Variants in DNMT3A observed in about 807,000 individuals in gnomAD.
The protein encoded by DNMT3A is DNA (cytosine-5)-methyltransferase 3A.
DNMT3A carries 267 observed loss-of-function variants against 117.6 expected under a neutral mutation model. That is an observed-to-expected ratio of 2.27 (90% CI 2.05 to 2.51). The LOEUF (loss-of-function observed/expected upper bound fraction) is 2.51, where lower values mean the gene tolerates loss of function less well. DNMT3A is among the 30% of genes most tolerant of loss of function. The pLI is 0.00. For synonymous variants in DNMT3A, 432 were observed against 474.8 expected, an observed-to-expected ratio of 0.91 and a Z score of 1.17; for missense variants, 1,029 against 1,260.2, an observed-to-expected ratio of 0.82 and a Z score of 2.78.
rs1674890101 is a variant in DNMT3A, at chr2:25,247,052, T to C, written c.1121A>G (p.Gln374Arg). ...CGAGCTCCCAGCAGGGACACTCACC[T>C]GCAGGACCTCGTAGATGGCTTTGCG... ...MYRKAIYEVL[Q>R]VASSRAGKLF... is the part of the protein sequence containing the mutation. The change falls in exon 9 of 23, where the codon CAG becomes CGG. Residue 374 changes from glutamine (Q) to arginine (R), a missense_variant and splice_region_variant. Coordinates refer to ENST00000321117, the MANE Select transcript of DNMT3A (RefSeq NM_022552.5). The surrounding 1 kb of genome is among the most constrained non-coding windows in gnomAD (Gnocchi z 5.6). 6.2e-7 allele frequency: 1 copy of C among 1,613,770 alleles called. No individual in the cohort carries two copies. The highest frequency in any genetic ancestry group is 8.5e-7 in the Non-Finnish European group (1 of 1,179,870).
intron 4 of DNMT3A, among the ~76,000 whole-genome samples, chr2:25,279,201 C>A (rs1379902681): frequency 6.6e-6 from 1 of 152,224 alleles, no homozygotes; most frequent in African/African-American, 2.4e-5. Flanking sequence ...TATCACTCAT[C>A]TCATCATCTC....
At chr2:25,253,689 G>A (rs533619245) in intron 6 of DNMT3A, among the ~76,000 whole-genome samples, 75 of 152,334 alleles carry the variant, frequency 4.9e-4, no homozygotes, top group South Asian at 3.3e-3. Context: ...CCTAGTTGCC[G>A]TTGGCAAGAT....
chr2:25,247,403 C>A lies in DNMT3A; in HGVS notation c.1014+188G>T. On this transcript the variant is annotated intron_variant, in intron 8 of 22. Transcript: ENST00000321117. The surrounding 1 kb of genome is among the most constrained non-coding windows in gnomAD (Gnocchi z 5.6). ...TGGAAGGCTAAAACTGGGCCAGCAT[C>A]CTAGCTCTCTGAGCCACAGGTGCAA... is the stretch of plus-strand genomic sequence containing the variant. 4.1e-6 allele frequency: 4 copies of A among 982,496 alleles called. No homozygotes were observed. Among genetic ancestry groups the A allele is most frequent in the Non-Finnish European group, 5.9e-6 (4 of 679,278 alleles). The allele number at this position is 982,496 out of a possible 1,614,324, so 60.9% of individuals were successfully genotyped here.
chr2:25,337,000 A>G (rs1015918175), intron 1 of DNMT3A, among the ~76,000 whole-genome samples: 1 of 152,186 alleles, frequency 6.6e-6, no homozygotes, highest in African/African-American at 2.4e-5. Flanking sequence ...GGCGCATCCT[A>G]AACACACCGT....
Position 25,257,349 on chromosome 2 carries a change from C to A in DNMT3A, c.640-9097G>T, listed in dbSNP as rs73920660. ...ATGCTCTAAGTGGGGCAGACATTCC[C>A]CCTGTCCCTCAGTAACCCATCTCCA... On this transcript the variant is annotated intron_variant, in intron 6 of 22. Transcript: ENST00000321117. This position sits in a 1 kb window ranked among gnomAD's most constrained non-coding sequence, Gnocchi z 4.8. Among the ~76,000 whole-genome samples, 1 of 152,360 alleles carries A rather than the reference C, an allele frequency of 6.6e-6. No homozygotes were observed. Among genetic ancestry groups the A allele is most frequent in the South Asian group, 2.1e-4 (1 of 4,830 alleles).
chr2:25,282,699 C>T lies in DNMT3A; in HGVS notation c.190G>A (p.Asp64Asn). ...KRKHPPVESGDTPKDPAVISK... is the reference protein window; with the variant it reads ...KRKHPPVESGNTPKDPAVISK... ...ATCACCGCAGGGTCCTTTGGCGTGT[C>T]ACCGCTTTCCACCTGCAAATGTAAG... The change falls in exon 4 of 23, where the codon GAC becomes AAC. Residue 64 changes from aspartate (D) to asparagine (N), a missense_variant. Asp to Asn is a conservative substitution (Grantham distance 23). Transcript: ENST00000321117. The surrounding 1 kb of genome is among the most constrained non-coding windows in gnomAD (Gnocchi z 5.2). 2 of 1,526,552 alleles carry T rather than the reference C, an allele frequency of 1.3e-6. No homozygotes were observed. Among genetic ancestry groups the T allele is most frequent in the Non-Finnish European group, 1.8e-6 (2 of 1,136,222 alleles). 94.6% of individuals were successfully genotyped at this position (1,526,552 alleles called of 1,614,324 possible).
chr2:25,247,704 G>T lies in DNMT3A; in HGVS notation c.901C>A (p.Arg301=). The change falls in exon 8 of 23, where the codon CGG becomes AGG. Residue 301 remains arginine (R), a synonymous_variant. Coordinates refer to ENST00000321117, the MANE Select transcript of DNMT3A (RefSeq NM_022552.5). The surrounding 1 kb of genome is among the most constrained non-coding windows in gnomAD (Gnocchi z 5.6). ...CGGCCTGGCCACCAGGAGAAGCCCC[G>T]CAGTTTCCCCCACACCAGCTCCCCA... ...GIGELVWGKL[R]GFSWWPGRIV... The T allele has an allele frequency of 1.2e-6, 2 of 1,613,132 alleles. No homozygotes were observed. The highest frequency in any genetic ancestry group is 1.7e-6 in the Non-Finnish European group (2 of 1,179,924).
chr2:25,274,375 C>A (rs2031210372), intron 6 of DNMT3A, among the ~76,000 whole-genome samples: 1 of 152,230 alleles, frequency 6.6e-6, no homozygotes, highest in African/African-American at 2.4e-5. Flanking sequence ...AGAAGTAAGC[C>A]AGCTTTTGGG....
intron 1 of DNMT3A, among the ~76,000 whole-genome samples, chr2:25,322,248 G>A (rs577533925): frequency 1.3e-5 from 2 of 152,032 alleles, no homozygotes; most frequent in African/African-American, 2.4e-5. Flanking sequence ...AGAGAGAGTG[G>A]GGATGGGAGA....
In DNMT3A at chr2:25,246,721, C is replaced by T. The variant is rs1269818023; in HGVS notation, c.1178G>A (p.Ser393Asn). 5 of 1,613,934 alleles carry T rather than the reference C, an allele frequency of 3.1e-6. No individual in the cohort carries two copies. Among genetic ancestry groups the T allele is most frequent in the Non-Finnish European group, 4.2e-6 (5 of 1,180,036 alleles). Residue 393 changes from serine to asparagine, a missense_variant, in exon 10 of 23, where the codon AGT (serine) becomes AAT (asparagine). By Grantham distance (46) the Ser-to-Asn change is conservative. Coordinates refer to ENST00000321117, the MANE Select transcript of DNMT3A (RefSeq NM_022552.5). ...LFPVCHDSDE[S>N]DTAKAVEVQN... ...CACCTCCACGGCCTTGGCAGTGTCA[C>T]TCTCATCGCTGTCGTGGCACACCGG...
At chr2:25,265,945 AGGCTTTGCTGT>A (rs2030299895) in intron 6 of DNMT3A, among the ~76,000 whole-genome samples, 1 of 152,220 alleles carries the variant, frequency 6.6e-6, no homozygotes, top group South Asian at 2.1e-4. Context: ...TCCCTGGTTC[AGGCTTTGCTGT>A]GGCCAGGAGT....
intron 6 of DNMT3A, among the ~76,000 whole-genome samples, chr2:25,273,880 T>G (rs1236163027): frequency 6.6e-6 from 1 of 152,186 alleles, no homozygotes; most frequent in African/African-American, 2.4e-5. Context: ...GCTTTCTCCC[T>G]CAGTCCCTAC....
At chr2:25,289,644 G>A (rs559224532) in intron 3 of DNMT3A, among the ~76,000 whole-genome samples, 348 of 152,324 alleles carry the variant, frequency 2.3e-3, no homozygotes, top group African/African-American at 7.9e-3. Context: ...TTGAGTCTCA[G>A]AAAAGCGCAA....
chr2:25,244,508 AAGG>A lies in DNMT3A; in HGVS notation c.1667+29_1667+31del, dbSNP rs766321141. On this transcript the variant is annotated intron_variant, in intron 14 of 22. Coordinates refer to ENST00000321117, the MANE Select transcript of DNMT3A (RefSeq NM_022552.5). ...GGCGGCGGGAGCCTGGGGCCCAGCT[AAGG>A]AGACCACTGGAGGCCACAACAGCCT... The A allele has an allele frequency of 1.6e-4, 250 of 1,609,796 alleles. 1 individual carries two copies. The highest frequency in any genetic ancestry group is 2.0e-4 in the Non-Finnish European group (239 of 1,176,350).
rs1412570478 is a variant in DNMT3A at position 25,235,834 on chromosome 2, AGAG to A, written c.2479-12_2479-10del. ...GTCCTCACTTTGCTGAACTAGATGA[AGAG>A]GAGAAAAGAGGAATAAGCACGAATT... On this transcript the variant is annotated splice_polypyrimidine_tract_variant and intron_variant, in intron 21 of 22. Transcript: ENST00000321117. 6.2e-7 allele frequency: 1 copy of A among 1,604,364 alleles called. No individual in the cohort carries two copies. Among genetic ancestry groups the A allele is most frequent in the East Asian group, 2.2e-5 (1 of 44,854 alleles).
intron 1 of DNMT3A, among the ~76,000 whole-genome samples, chr2:25,315,039 G>A (rs921563464): frequency 1.3e-5 from 2 of 152,172 alleles, no homozygotes; most frequent in Non-Finnish European, 2.9e-5. Context: ...CGGAGGAGGC[G>A]GCCGCCAAGC....
chr2:25,285,051 A>G (rs2032197074), intron 3 of DNMT3A, among the ~76,000 whole-genome samples: 1 of 152,158 alleles, frequency 6.6e-6, no homozygotes, highest in African/African-American at 2.4e-5. Context: ...CACTGCAGTG[A>G]ACACCCTTGC....
At chr2:25,312,376 G>A (rs149898374) in intron 2 of DNMT3A, among the ~76,000 whole-genome samples, 23 of 152,340 alleles carry the variant, frequency 1.5e-4, no homozygotes, top group African/African-American at 5.3e-4. Flanking sequence ...GGTCGCCCCG[G>A]GCGTCCTGCC....
Position 25,245,320 on chromosome 2 carries a change from G to T in DNMT3A, c.1487C>A (p.Ser496Tyr). ...CAGGGTAACATTGAGGCTCCCACAG[G>T]AGATGCAGATGTCTGGAAAGCAGAG... ...KCRNIEDICI[S>Y]CGSLNVTLEH... The change falls in exon 13 of 23, where the codon TCC (serine) becomes TAC (tyrosine). Residue 496 changes from serine (S) to tyrosine (Y), a missense_variant. By Grantham distance (144) the Ser-to-Tyr change is moderately radical (BLOSUM62 -2). Coordinates refer to ENST00000321117, the MANE Select transcript of DNMT3A (RefSeq NM_022552.5). The T allele has an allele frequency of 6.2e-7, 1 of 1,613,936 alleles. No homozygotes were observed. The highest frequency in any genetic ancestry group is 8.5e-7 in the Non-Finnish European group (1 of 1,179,982).
Sources: gnomAD v4.1 joint callset for allele counts (sites outside exome capture counted in the v4.1 genomes callset) on GRCh38, gnomAD v4.1.1 for gene constraint, Gnocchi (gnomAD v3.1) non-coding constraint, MANE v1.5 for transcripts, NCBI Gene and HGNC (gene_info 2026-07-23, HGNC 2026-07-21) for gene names.